Variants in ADAM18 observed in about 807,000 individuals in gnomAD.
ADAM18 encodes the protein ADAM metallopeptidase domain 18, also known as disintegrin and metalloproteinase domain-containing protein 18.
In ADAM18, 117 loss-of-function variants were observed where a neutral mutation model predicts 94.4. The ratio of observed to expected loss-of-function variants is 1.24; its 90% CI spans 1.07 to 1.45. The LOEUF is 1.45. Ranked by LOEUF, ADAM18 falls within the 40% of genes most tolerant of loss-of-function variation. ADAM18 has a pLI of 0.00. For synonymous variants in ADAM18, 327 were observed against 291.6 expected, an observed-to-expected ratio of 1.12 and a Z score of -1.24; for missense variants, 936 against 880.0, an observed-to-expected ratio of 1.06 and a Z score of -0.81.
intron 2 of ADAM18, among the ~76,000 whole-genome samples, chr8:39,594,591 A>G (rs1473382436): frequency 6.6e-6 from 1 of 151,964 alleles, no homozygotes; most frequent in African/African-American, 2.4e-5. Context: ...GGATTTTCAT[A>G]GAATTCTAGA....
chr8:39,669,586 TA>T (rs549836260), intron 14 of ADAM18, among the ~76,000 whole-genome samples: 220 of 151,318 alleles, frequency 1.5e-3, no homozygotes, highest in African/African-American at 4.7e-3. Context: ...GTCCTTGCCA[TA>T]GTTTGCTGAG....
intron 2 of ADAM18, among the ~76,000 whole-genome samples, chr8:39,606,055 G>A (rs1161252927): frequency 3.3e-5 from 5 of 152,206 alleles, no homozygotes; most frequent in African/African-American, 1.2e-4. Flanking sequence ...TTATGGCTGA[G>A]TAGTATTCCA....
chr8:39,715,398 A>G (rs1822540094), intron 18 of ADAM18, among the ~76,000 whole-genome samples: 1 of 151,964 alleles, frequency 6.6e-6, no homozygotes, highest in Non-Finnish European at 1.5e-5. Context: ...CTTTCACCTT[A>G]GCAAACTAGG....
chr8:39,705,105 T>A lies in ADAM18; in HGVS notation c.1903-1685T>A, dbSNP rs552744797. On this transcript the variant is annotated intron_variant, in intron 17 of 19. Transcript: ENST00000265707. Reference sequence around the variant, plus strand: ...ACCTTCAAACTTTGAAACTCTGTTCTACTATACAGTTGCTTTTAGTCTTAT... The same window carrying A: ...ACCTTCAAACTTTGAAACTCTGTTCAACTATACAGTTGCTTTTAGTCTTAT... Among the ~76,000 whole-genome samples the A allele has an allele frequency of 1.9e-4, 29 of 152,302 alleles. No homozygotes were observed. The South Asian group carries it at 5.6e-3, about 29-fold the overall frequency.
intron 5 of ADAM18, 55 bp from the exon 6 acceptor site, chr8:39,610,474 A>C: frequency 6.7e-7 from 1 of 1,498,698 alleles, no homozygotes; most frequent in South Asian, 1.4e-5. Flanking sequence ...ATCATTTTGA[A>C]GGGATCATTT....
chr8:39,589,054 T>G (rs1818492776), intron 2 of ADAM18, among the ~76,000 whole-genome samples: 1 of 152,140 alleles, frequency 6.6e-6, no homozygotes, highest in South Asian at 2.1e-4. Context: ...AATCTTTCTG[T>G]TTTTTTGGCT....
intron 6 of ADAM18, among the ~76,000 whole-genome samples, chr8:39,617,701 C>T (rs1478261529): frequency 6.6e-6 from 1 of 152,120 alleles, no homozygotes; most frequent in Non-Finnish European, 1.5e-5. Flanking sequence ...TATGAATGGA[C>T]TTGGAGGCCA....
At chr8:39,603,992 C>A (rs568588595) in intron 2 of ADAM18, among the ~76,000 whole-genome samples, 126 of 152,288 alleles carry the variant, frequency 8.3e-4, no homozygotes, top group African/African-American at 2.9e-3. Context: ...TAATGATTTA[C>A]TTAAAAATCA....
At chr8:39,670,446 G>C (rs905396401) in intron 14 of ADAM18, among the ~76,000 whole-genome samples, 1 of 152,046 alleles carries the variant, frequency 6.6e-6, no homozygotes, top group Non-Finnish European at 1.5e-5. Context: ...ACCACAGGTG[G>C]TATATTATAT....
intron 17 of ADAM18, among the ~76,000 whole-genome samples, chr8:39,694,179 T>C (rs1305910223): frequency 1.3e-5 from 2 of 151,322 alleles, no homozygotes; most frequent in African/African-American, 4.8e-5. Flanking sequence ...GTCCTTATTG[T>C]GAAAGAAAAA....
At chr8:39,687,871 A>G (rs1326081341) in intron 16 of ADAM18, among the ~76,000 whole-genome samples, 1 of 152,170 alleles carries the variant, frequency 6.6e-6, no homozygotes, top group East Asian at 1.9e-4. Flanking sequence ...CCAGCCCACC[A>G]TTAATGGGCG....
chr8:39,679,562 G>T (rs2129580521), intron 15 of ADAM18, among the ~76,000 whole-genome samples: 1 of 152,302 alleles, frequency 6.6e-6, no homozygotes, highest in African/African-American at 2.4e-5. Flanking sequence ...GGGAGAAATT[G>T]TGGATCAAAA....
chr8:39,623,590 T>TTGTTTC (rs1819679268), intron 6 of ADAM18, among the ~76,000 whole-genome samples: 1 of 152,092 alleles, frequency 6.6e-6, no homozygotes, highest in Admixed American at 6.5e-5. Context: ...GTTTGTTTTT[T>TTGTTTC]TGTTTTTGTT....
At chr8:39,677,386 C>A in intron 14 of ADAM18, 45 bp from the exon 15 acceptor site, 1 of 1,437,720 alleles carries the variant, frequency 7.0e-7, no homozygotes, top group Non-Finnish European at 9.6e-7. Flanking sequence ...AAACATTTAA[C>A]TCATATTAAG....
chr8:39,627,284 T>A (rs1008619618), intron 6 of ADAM18, among the ~76,000 whole-genome samples: 45 of 152,134 alleles, frequency 3.0e-4, no homozygotes, highest in African/African-American at 1.0e-3. Flanking sequence ...AGGGACATCT[T>A]ACATGTCAGC....
chr8:39,669,682 T>C (rs935403190), intron 14 of ADAM18, among the ~76,000 whole-genome samples: 3 of 152,066 alleles, frequency 2.0e-5, no homozygotes, highest in Non-Finnish European at 2.9e-5. Flanking sequence ...CCATGGTGTA[T>C]ATGTGCCACA....
chr8:39,702,338 T>A (rs1259465288), intron 17 of ADAM18, among the ~76,000 whole-genome samples: 1 of 151,958 alleles, frequency 6.6e-6, no homozygotes, highest in East Asian at 1.9e-4. Flanking sequence ...TTTAATGGGG[T>A]TTTTTTTCTT....
At chr8:39,622,414 G>T (rs992099387) in intron 6 of ADAM18, among the ~76,000 whole-genome samples, 1 of 151,068 alleles carries the variant, frequency 6.6e-6, no homozygotes, top group African/African-American at 2.4e-5. Context: ...AAAATCATAG[G>T]CAATGTAATG....
chr8:39,706,499 A>C (rs758650605), intron 17 of ADAM18, among the ~76,000 whole-genome samples: 44 of 152,264 alleles, frequency 2.9e-4, no homozygotes, highest in Non-Finnish European at 4.7e-4. Context: ...CTGAATATGA[A>C]GACTACAACT....
Sources: allele counts gnomAD v4.1 joint callset (sites outside exome capture counted in the v4.1 genomes callset), GRCh38; gene constraint gnomAD v4.1.1; transcripts MANE v1.5; gene names NCBI Gene and HGNC (gene_info 2026-07-23, HGNC 2026-07-21).